PXDC1: variants seen among roughly 807,000 people sequenced by gnomAD.
PXDC1 encodes the protein PX domain containing 1.
Under a neutral mutation model 24.4 loss-of-function variants are expected in PXDC1, and 13 were observed. The observed-to-expected ratio is 0.53, with a 90% CI of 0.35 to 0.85. The LOEUF is 0.85. Among genes scored for constraint, PXDC1 ranks in the 40% least tolerant of loss-of-function variants. PXDC1 has a pLI of 0.01. For synonymous variants in PXDC1, 162 were observed against 124.9 expected, an observed-to-expected ratio of 1.30 and a Z score of -1.98; for missense variants, 344 against 309.3, an observed-to-expected ratio of 1.11 and a Z score of -0.84.
intron 1 of PXDC1, among the ~76,000 whole-genome samples, chr6:3,739,842 T>C (rs1760416038): frequency 6.6e-6 from 1 of 152,226 alleles, no homozygotes. Context: ...AAGATGTATA[T>C]ATGCACCACT....
rs988365723 is a variant in PXDC1 at position 3,737,642 on chromosome 6, C to A, written c.348+415G>T. On this transcript the variant is annotated intron_variant, in intron 2 of 4. Coordinates refer to ENST00000380283, the MANE Select transcript of PXDC1 (RefSeq NM_183373.4). The surrounding 1 kb of genome is among the most constrained non-coding windows in gnomAD (Gnocchi z 5.5). ...ATGGAAAGGGAGTTGACGGTCAAAT[C>A]CGGGCAACGTGCCCCGCTGTGCTGA... The A allele has an allele frequency of 1.0e-6, 1 of 985,198 alleles. No individual in the cohort carries two copies. 61.0% of individuals were successfully genotyped at this position (985,198 alleles called of 1,614,324 possible).
At chr6:3,745,062 AC>A (rs1174370343) in intron 1 of PXDC1, among the ~76,000 whole-genome samples, 1 of 152,170 alleles carries the variant, frequency 6.6e-6, no homozygotes, top group Non-Finnish European at 1.5e-5. Flanking sequence ...CCTGGCCCAC[AC>A]CCAGCACCAA....
chr6:3,730,645 A>G (rs1004159092), intron 3 of PXDC1, among the ~76,000 whole-genome samples: 8 of 152,224 alleles, frequency 5.3e-5, no homozygotes, highest in African/African-American at 1.9e-4. Flanking sequence ...GCAGATATTT[A>G]CATGGGAGTT....
rs935501300 is a variant in PXDC1 at position 3,736,964 on chromosome 6, T to C, written c.466+115A>G. ...CCCTGTACATTCGCATTTCTCTCGA[T>C]TGTCTTTCTGGAAAAGTGTGGCCCA... On this transcript the variant is annotated intron_variant, in intron 3 of 4. Coordinates refer to ENST00000380283, the MANE Select transcript of PXDC1 (RefSeq NM_183373.4). 6 of 725,826 alleles carry C rather than the reference T, an allele frequency of 8.3e-6. 1 individual carries two copies. The Middle Eastern group carries it at 7.3e-4, about 88-fold the overall frequency. 45.0% of individuals were successfully genotyped at this position (725,826 alleles called of 1,614,324 possible).
chr6:3,751,413 T>C lies in PXDC1; in HGVS notation c.119A>G (p.Glu40Gly). 1 of 1,581,046 alleles carries C rather than the reference T, an allele frequency of 6.3e-7. No individual in the cohort carries two copies. Among genetic ancestry groups the C allele is most frequent in the Non-Finnish European group, 8.6e-7 (1 of 1,164,576 alleles). ...SRRGDEEEFF[E>G]IRTEWSDRSV... ...GCGGTCCGACCACTCCGTGCGGATC[T>C]CGAAGAACTCCTCTTCGTCGCCGCG... The change falls in exon 1 of 5, where the codon GAG (glutamate) becomes GGG (glycine). Residue 40 changes from glutamate (E) to glycine (G), a missense_variant. Transcript: ENST00000380283.
intron 3 of PXDC1, among the ~76,000 whole-genome samples, chr6:3,736,325 G>A (rs1249475655): frequency 1.3e-5 from 2 of 152,086 alleles, no homozygotes; most frequent in Non-Finnish European, 2.9e-5. Flanking sequence ...ACATCATGGA[G>A]GTGCTCTCCT....
At chr6:3,730,777 C>G (rs944245618) in intron 3 of PXDC1, among the ~76,000 whole-genome samples, 3 of 152,220 alleles carry the variant, frequency 2.0e-5, no homozygotes, top group Non-Finnish European at 4.4e-5. Flanking sequence ...ACAAAATCCA[C>G]TGATAACTTG....
At position 3,725,859 on chromosome 6, in the gene PXDC1, G is replaced by C. The variant is rs181207889; in HGVS notation, c.578+1692C>G. On this transcript the variant is annotated intron_variant, in intron 4 of 4. Transcript: ENST00000380283. This position sits in a 1 kb window ranked among gnomAD's most constrained non-coding sequence, Gnocchi z 4.8. The stretch of plus-strand genomic sequence containing the variant: ...TCCAGATGCTCCCGAGCCCCATGGC[G>C]GCAGGCGTTTCTTTGTTAGGCTTTT... Among the ~76,000 whole-genome samples the C allele has an allele frequency of 2.0e-5, 3 of 152,180 alleles. No homozygotes were observed. The highest frequency in any genetic ancestry group is 2.0e-4 in the Admixed American group (3 of 15,284).
intron 1 of PXDC1, chr6:3,738,973 T>C: frequency 7.8e-7 from 1 of 1,289,990 alleles, no homozygotes; most frequent in Non-Finnish European, 1.0e-6. Context: ...AACGTGCCTG[T>C]GAGCGGTGAT....
chr6:3,739,809 A>C (rs1760415453), intron 1 of PXDC1, among the ~76,000 whole-genome samples: 1 of 152,162 alleles, frequency 6.6e-6, no homozygotes, highest in African/African-American at 2.4e-5. Flanking sequence ...ATTTACATAG[A>C]ATTTCAAATA....
chr6:3,733,859 C>A (rs1284174911), intron 3 of PXDC1, among the ~76,000 whole-genome samples: 2 of 152,222 alleles, frequency 1.3e-5, no homozygotes, highest in Non-Finnish European at 2.9e-5. Flanking sequence ...AGCCCGCCAA[C>A]ATCTGAAGGT....
chr6:3,740,051 C>T (rs774252040), intron 1 of PXDC1, among the ~76,000 whole-genome samples: 7 of 152,222 alleles, frequency 4.6e-5, no homozygotes, highest in Non-Finnish European at 8.8e-5. Context: ...ATACTAGCTT[C>T]CAGTTGATCA....
At chr6:3,749,056 G>C (rs1001245691) in intron 1 of PXDC1, among the ~76,000 whole-genome samples, 2 of 152,168 alleles carry the variant, frequency 1.3e-5, no homozygotes, top group East Asian at 1.9e-4. Flanking sequence ...ATCAAAGAAA[G>C]GGAAAGGACT....
intron 3 of PXDC1, among the ~76,000 whole-genome samples, chr6:3,736,098 G>A (rs911461878): frequency 6.6e-6 from 1 of 152,108 alleles, no homozygotes; most frequent in South Asian, 2.1e-4. Context: ...TAATCAGCAA[G>A]GCCACGTTCA....
chr6:3,743,104 G>C (rs1447809371), intron 1 of PXDC1, among the ~76,000 whole-genome samples: 1 of 152,204 alleles, frequency 6.6e-6, no homozygotes, highest in Non-Finnish European at 1.5e-5. Flanking sequence ...TGGAGGCTTT[G>C]GGCTCAACAC....
At chr6:3,727,697 G>A (rs765044057) in intron 3 of PXDC1, 35 bp from the exon 4 acceptor site, 1 of 1,433,234 alleles carries the variant, frequency 7.0e-7, no homozygotes, top group South Asian at 1.1e-5. Context: ...GTCCTCAGGA[G>A]GGGTCGGAGC....
intron 1 of PXDC1, chr6:3,739,174 T>TA (rs1359922073): frequency 1.6e-5 from 17 of 1,081,006 alleles, no homozygotes; most frequent in Admixed American, 8.6e-5. Context: ...ATAAGAGAGA[T>TA]AAAAAAAGAT....
At chr6:3,735,884 A>C (rs1760305703) in intron 3 of PXDC1, among the ~76,000 whole-genome samples, 1 of 152,244 alleles carries the variant, frequency 6.6e-6, no homozygotes, top group Non-Finnish European at 1.5e-5. Context: ...ATGTACAATA[A>C]TTATGTGTCA....
intron 1 of PXDC1, among the ~76,000 whole-genome samples, chr6:3,746,191 G>A (rs1760567239): frequency 6.6e-6 from 1 of 152,188 alleles, no homozygotes. Context: ...CTCCAGCTGG[G>A]AAGTGAGCTC....
Sources: allele counts gnomAD v4.1 joint callset (sites outside exome capture counted in the v4.1 genomes callset), GRCh38; gene constraint gnomAD v4.1.1; non-coding constraint Gnocchi (gnomAD v3.1); transcripts MANE v1.5; gene names NCBI Gene and HGNC (gene_info 2026-07-23, HGNC 2026-07-21).